The following VMA21 variants were observed in gnomAD, a reference collection of about 807,000 sequenced individuals.
VMA21 encodes vacuolar ATPase assembly factor VMA21.
For synonymous variants in VMA21, 47 were observed against 34.1 expected (o/e 1.38, Z -1.32); for missense variants, 61 against 80.6 (o/e 0.76, Z 0.93).
intron 1 of VMA21, 122 bp downstream of exon 1, chrX:151,397,483 G>T: frequency 1.2e-6 from 1 of 825,846 alleles, no homozygotes; most frequent in Non-Finnish European, 1.7e-6. Flanking sequence ...TGGCCTCAGG[G>T]AAGGGGGCGG....
intron 1 of VMA21, 117 bp downstream of exon 1, chrX:151,397,478 T>A: frequency 8.4e-6 from 7 of 832,086 alleles, no homozygotes; most frequent in Non-Finnish European, 1.0e-5. Context: ...GGACCTGGCC[T>A]CAGGGAAGGG....
intron 1 of VMA21, among the ~76,000 whole-genome samples, chrX:151,400,726 A>G (rs754490235): frequency 3.6e-5 from 4 of 112,053 alleles, no homozygotes; most frequent in Non-Finnish European, 7.5e-5. Context: ...TGCCTTTTTG[A>G]TAATAGCTGT....
chrX:151,403,184 C>T (rs1027391803), intron 1 of VMA21, among the ~76,000 whole-genome samples: 2 of 112,555 alleles, frequency 1.8e-5, no homozygotes, highest in Non-Finnish European at 1.9e-5. Context: ...AAAGAGGGCG[C>T]GCTGATCCAC....
Position 151,409,033 on chromosome X carries a change from A to G in VMA21, c.*3975A>G, listed in dbSNP as rs1431296294. ...TTGCAAAGAACGTTCACACATTCTC[A>G]TTTGAGTTTTGCATAGTGAACCTGT... is the stretch of plus-strand genomic sequence containing the variant. On this transcript the variant is annotated 3_prime_UTR_variant, in exon 3 of 3. Transcript: ENST00000330374. The G allele has an allele frequency of 8.9e-6, 1 of 112,712 alleles. No homozygotes were observed. Among genetic ancestry groups the G allele is most frequent in the African/African-American group, 3.2e-5 (1 of 30,952 alleles). The allele number at this position is 112,712 out of a possible 1,213,427, so 9.3% of individuals were successfully genotyped here.
At chrX:151,398,666 C>T (rs1602815873) in intron 1 of VMA21, among the ~76,000 whole-genome samples, 1 of 111,345 alleles carries the variant, frequency 9.0e-6, no homozygotes, top group South Asian at 3.8e-4. Flanking sequence ...CAGCATAGTC[C>T]TTCTAGACTG....
intron 1 of VMA21, among the ~76,000 whole-genome samples, chrX:151,403,359 T>C (rs2011253473): frequency 8.9e-6 from 1 of 112,804 alleles, no homozygotes; most frequent in Non-Finnish European, 1.9e-5. Context: ...TTCACCCAGC[T>C]TGTTGGCAGT....
chrX:151,403,180 G>C (rs147332229), intron 1 of VMA21, among the ~76,000 whole-genome samples: 230 of 112,567 alleles, frequency 2.0e-3, no homozygotes, highest in African/African-American at 7.1e-3. Context: ...AGCAAAAGAG[G>C]GCGCGCTGAT....
rs751861525 is a variant in VMA21, at chrX:151,408,688, G to C, written c.*3630G>C. The C allele has an allele frequency of 8.9e-6, 1 of 112,445 alleles. No homozygotes were observed. Among genetic ancestry groups the C allele is most frequent in the Non-Finnish European group, 1.9e-5 (1 of 53,297 alleles). The allele number at this position is 112,445 out of a possible 1,213,427, so 9.3% of individuals were successfully genotyped here. A position where few individuals can be genotyped will look rare whatever the true frequency, so the allele number is the denominator to read the frequency against. On this transcript the variant is annotated 3_prime_UTR_variant, in exon 3 of 3. Coordinates refer to ENST00000330374, the MANE Select transcript of VMA21 (RefSeq NM_001017980.4). ...AAGATTTCTTTTTCCCTTTTCAGGG[G>C]GAAAGGGTCACCTTAAAAATAAATT... is the stretch of plus-strand genomic sequence containing the variant.
upstream of VMA21, chrX:151,396,718 C>A (rs372730336): frequency 3.7e-5 from 16 of 427,487 alleles, no homozygotes; most frequent in Middle Eastern, 3.4e-3. Context: ...ATTAATGAGG[C>A]ATTTATTTGC....
In VMA21 at chrX:151,407,264, G is replaced by A. The variant is rs1851568364; in HGVS notation, c.*2206G>A. 1 of 113,028 alleles carries A rather than the reference G, an allele frequency of 8.8e-6. No homozygotes were observed. The highest frequency in any genetic ancestry group is 9.3e-5 in the Admixed American group (1 of 10,704). The allele number at this position is 113,028 out of a possible 1,213,427, so 9.3% of individuals were successfully genotyped here. A position where few individuals can be genotyped will look rare whatever the true frequency, so the allele number is the denominator to read the frequency against. On this transcript the variant is annotated 3_prime_UTR_variant, in exon 3 of 3. Coordinates refer to ENST00000330374, the MANE Select transcript of VMA21 (RefSeq NM_001017980.4). ...TTTCCTCTTGGAAAAAGCGCCAAAT[G>A]TTTGAAGGTTAAAATCAAATGCTAG... is the stretch of plus-strand genomic sequence containing the variant.
intron 1 of VMA21, among the ~76,000 whole-genome samples, chrX:151,403,287 G>GCTTCC (rs758567501): frequency 8.7e-4 from 98 of 113,205 alleles, no homozygotes; most frequent in Middle Eastern, 4.6e-3. Context: ...GTCCGCCGTG[G>GCTTCC]CTTCCCTGGG....
At chrX:151,398,494 T>G (rs1278367452) in intron 1 of VMA21, among the ~76,000 whole-genome samples, 1 of 111,432 alleles carries the variant, frequency 9.0e-6, no homozygotes, top group East Asian at 2.8e-4. Flanking sequence ...GGCTTCCAGC[T>G]CCAGTCATGT....
chrX:151,397,024 T>C, upstream of VMA21: 1 of 507,036 alleles, frequency 2.0e-6, no homozygotes, highest in Non-Finnish European at 3.6e-6. Context: ...CACAGGCCCC[T>C]CCTGGCAGGG....
At chrX:151,397,152 C>G, upstream of VMA21, 1 of 488,519 alleles carries the variant, frequency 2.0e-6, no homozygotes, top group Non-Finnish European at 3.0e-6. Context: ...TGGCCCGCCG[C>G]CCGGCGCGAA....
In VMA21 at chrX:151,403,419, T is replaced by G. The variant is rs767429504; in HGVS notation, c.54-212T>G. On this transcript the variant is annotated intron_variant, in intron 1 of 2. Coordinates refer to ENST00000330374, the MANE Select transcript of VMA21 (RefSeq NM_001017980.4). ...GTCTTACACTGGATATGAATGACAG[T>G]CCCTAAAGGTGGTGTATAATCTTCA... Among the ~76,000 whole-genome samples the G allele has an allele frequency of 2.7e-5, 3 of 112,731 alleles. No individual in the cohort carries two copies. The East Asian group carries it at 8.4e-4, about 32-fold the overall frequency.
At chrX:151,400,962 AAT>A (rs1221237409) in intron 1 of VMA21, among the ~76,000 whole-genome samples, 1 of 112,094 alleles carries the variant, frequency 8.9e-6, no homozygotes, top group Non-Finnish European at 1.9e-5. Context: ...GTGGTTCGCA[AAT>A]ATGTTTTCCT....
intron 1 of VMA21, among the ~76,000 whole-genome samples, 192 bp downstream of exon 1, chrX:151,397,553 C>G (rs1461238118): frequency 8.9e-6 from 1 of 112,702 alleles, no homozygotes; most frequent in African/African-American, 3.2e-5. Context: ...CGCTCGGGAA[C>G]AAGGGATCCG....
chrX:151,404,573 T>G (rs1303389031), intron 2 of VMA21, among the ~76,000 whole-genome samples: 34 of 109,911 alleles, frequency 3.1e-4, no homozygotes, highest in Admixed American at 3.0e-3. Context: ...CGCCTGCCAC[T>G]ACGCCTGGCT....
At position 151,399,882 on chromosome X, in the gene VMA21, A is replaced by G. The variant is rs370199174; in HGVS notation, c.53+2521A>G. ...GTTATATTTAATATATATTTTACTC[A>G]ATGTTTTTGTGGGTTTTTTGTTCAG... On this transcript the variant is annotated intron_variant, in intron 1 of 2. Coordinates refer to ENST00000330374, the MANE Select transcript of VMA21 (RefSeq NM_001017980.4). Among the ~76,000 whole-genome samples, 7 of 111,636 alleles carry G rather than the reference A, an allele frequency of 6.3e-5. No individual in the cohort carries two copies. The East Asian group carries it at 1.4e-3, about 22-fold the overall frequency.
Sources: gnomAD v4.1 joint callset for allele counts (sites outside exome capture counted in the v4.1 genomes callset) on GRCh38, gnomAD v4.1.1 for gene constraint, MANE v1.5 for transcripts, NCBI Gene and HGNC (gene_info 2026-07-23, HGNC 2026-07-21) for gene names.